The following RBFOX1 variants were observed in gnomAD, a reference collection of about 807,000 sequenced individuals.
RBFOX1 encodes the protein RNA binding fox-1 homolog 1.
RBFOX1 carries 8 observed loss-of-function variants against 57.7 expected under a neutral mutation model. The observed-to-expected ratio is 0.14, with a 90% CI of 0.08 to 0.25. RBFOX1 has a LOEUF of 0.25. RBFOX1 is among the 10% of genes least tolerant of loss of function. The pLI, the probability that RBFOX1 is intolerant of heterozygous loss-of-function variation, is 1.00. For missense variants in RBFOX1, 611 were observed against 548.5 expected (o/e 1.11, Z -1.14); for synonymous variants, 326 against 222.4 (o/e 1.47, Z -4.15).
intron 4 of RBFOX1, among the ~76,000 whole-genome samples, chr16:7,371,545 A>T (rs143476212): frequency 0.012 from 1,899 of 152,218 alleles, 40 homozygotes; most frequent in African/African-American, 0.044. Flanking sequence ...AGGTCAGGAG[A>T]TCGAGACCAG....
At chr16:6,901,676 T>C (rs2068533104) in intron 3 of RBFOX1, among the ~76,000 whole-genome samples, 1 of 152,178 alleles carries the variant, frequency 6.6e-6, no homozygotes, top group African/African-American at 2.4e-5. Flanking sequence ...CATACAGAAT[T>C]TTCTGTTGTT....
At chr16:7,245,797 G>T (rs2094271554) in intron 4 of RBFOX1, among the ~76,000 whole-genome samples, 2 of 152,142 alleles carry the variant, frequency 1.3e-5, no homozygotes, top group African/African-American at 2.4e-5. Context: ...CTTGCATAGT[G>T]CTTTAGACAG....
At chr16:6,847,807 T>C (rs534992799) in intron 3 of RBFOX1, among the ~76,000 whole-genome samples, 1 of 152,238 alleles carries the variant, frequency 6.6e-6, no homozygotes, top group South Asian at 2.1e-4. Context: ...AATTTTACTA[T>C]GAAAAAAATT....
chr16:7,378,234 C>T (rs903764736), intron 4 of RBFOX1, among the ~76,000 whole-genome samples: 3 of 152,158 alleles, frequency 2.0e-5, no homozygotes, highest in Non-Finnish European at 4.4e-5. Context: ...GTACACAAAC[C>T]ATCTCCTGAT....
Position 5,989,803 on chromosome 16 carries a change from C to T in RBFOX1, c.351+122468C>T, listed in dbSNP as rs184082652. On this transcript the variant is annotated intron_variant, in intron 4 of 19. Transcript: ENST00000641259. ...CATCCAGGTAGAGGTTGACACCCAC[C>T]GAACTCTTTATAAGAAATGAGAGAC... 1.2e-3 allele frequency among the ~76,000 whole-genome samples: 173 copies of T among 141,888 alleles called. 2 individuals are homozygous for T. Among genetic ancestry groups the T allele is most frequent in the Middle Eastern group, 3.9e-3 (1 of 258 alleles). The allele number at this position is 141,888 out of a possible 152,430, so 93.1% of individuals were successfully genotyped here.
intron 3 of RBFOX1, among the ~76,000 whole-genome samples, chr16:6,734,019 G>A (rs1029626336): frequency 7.9e-5 from 12 of 152,206 alleles, no homozygotes; most frequent in African/African-American, 2.7e-4. Flanking sequence ...CATCATTACA[G>A]TTTAACACGT....
intron 3 of RBFOX1, among the ~76,000 whole-genome samples, chr16:6,936,084 C>A (rs1485850790): frequency 6.6e-6 from 1 of 152,138 alleles, no homozygotes; most frequent in Non-Finnish European, 1.5e-5. Flanking sequence ...GCGGGCATTT[C>A]CTTAGATCTG....
intron 1 of RBFOX1, among the ~76,000 whole-genome samples, chr16:5,250,399 T>G (rs2062421270): frequency 6.6e-6 from 1 of 152,122 alleles, no homozygotes; most frequent in African/African-American, 2.4e-5. Context: ...CATTAGGTAT[T>G]TGTCATAACA....
chr16:6,068,338 C>T (rs1342042639), intron 1 of RBFOX1, among the ~76,000 whole-genome samples: 1 of 152,160 alleles, frequency 6.6e-6, no homozygotes, highest in Non-Finnish European at 1.5e-5. Flanking sequence ...TGTCTCAGTG[C>T]TGACTGAGTA....
At position 6,745,326 on chromosome 16, in the gene RBFOX1, C is replaced by T. The variant is rs564927043; in HGVS notation, c.-16+90676C>T. 2.6e-5 allele frequency among the ~76,000 whole-genome samples: 4 copies of T among 152,028 alleles called. No homozygotes were observed. The East Asian group carries it at 5.8e-4, about 22-fold the overall frequency. On this transcript the variant is annotated intron_variant, in intron 3 of 15. Coordinates refer to ENST00000550418, the MANE Select transcript of RBFOX1 (RefSeq NM_018723.4). ...GGCAACGATTACTGTAATACCAAAA[C>T]CAGGAAAAAATTCACAAGAAAAAAC...
chr16:5,601,287 G>A (rs2047356366), downstream of RBFOX1: 1 of 152,332 alleles, frequency 6.6e-6, no homozygotes. Context: ...CTGCACCCAA[G>A]GTGTTTCACC....
chr16:6,667,899 A>G (rs777302683), intron 3 of RBFOX1, among the ~76,000 whole-genome samples: 1 of 151,812 alleles, frequency 6.6e-6, no homozygotes, highest in East Asian at 2.0e-4. Context: ...TAAAAAACTA[A>G]AGAAAAAAAA....
chr16:6,119,049 C>T (rs2096528859), intron 1 of RBFOX1, among the ~76,000 whole-genome samples: 1 of 145,560 alleles, frequency 6.9e-6, no homozygotes, highest in African/African-American at 2.5e-5. Flanking sequence ...GACTTTGATA[C>T]GTTTGATCTT....
At chr16:6,367,155 T>A (rs974332106) in intron 2 of RBFOX1, among the ~76,000 whole-genome samples, 11 of 152,232 alleles carry the variant, frequency 7.2e-5, no homozygotes, top group African/African-American at 1.9e-4. Context: ...AAGTGAGAGC[T>A]TTGACGTCAG....
intron 3 of RBFOX1, among the ~76,000 whole-genome samples, chr16:5,682,656 G>T (rs1282253927): frequency 6.6e-6 from 1 of 152,154 alleles, no homozygotes; most frequent in Non-Finnish European, 1.5e-5. Context: ...TTGGCCCAAA[G>T]TCTCAAAGCT....
At chr16:7,480,924 A>T (rs896145740) in intron 4 of RBFOX1, among the ~76,000 whole-genome samples, 1 of 152,124 alleles carries the variant, frequency 6.6e-6, no homozygotes, top group Non-Finnish European at 1.5e-5. Context: ...GGGCAGGGGT[A>T]GGGGTCTCTG....
chr16:5,725,005 C>T (rs1335904843), intron 3 of RBFOX1, among the ~76,000 whole-genome samples: 1 of 152,116 alleles, frequency 6.6e-6, no homozygotes, highest in Non-Finnish European at 1.5e-5. Context: ...TGAGAAGGTT[C>T]CTTATTGGGT....
At chr16:7,287,150 G>C (rs1167148829) in intron 4 of RBFOX1, among the ~76,000 whole-genome samples, 1 of 152,204 alleles carries the variant, frequency 6.6e-6, no homozygotes, top group East Asian at 1.9e-4. Context: ...GTACTTAATA[G>C]AGAGAGAAGA....
chr16:7,430,457 C>G (rs930334005), intron 4 of RBFOX1, among the ~76,000 whole-genome samples: 2 of 152,054 alleles, frequency 1.3e-5, no homozygotes, highest in Non-Finnish European at 2.9e-5. Flanking sequence ...GTGAGGAAAT[C>G]AAGACCATCC....
Sources: gnomAD v4.1 joint callset for allele counts (sites outside exome capture counted in the v4.1 genomes callset) on GRCh38, gnomAD v4.1.1 for gene constraint, MANE v1.5 for transcripts, NCBI Gene and HGNC (gene_info 2026-07-23, HGNC 2026-07-21) for gene names.